The following RAPH1 variants were observed in gnomAD, a reference collection of about 807,000 sequenced individuals.
RAPH1 encodes the protein ras-associated and pleckstrin homology domains-containing protein 1.
Under a neutral mutation model 88.1 loss-of-function variants are expected in RAPH1, and 18 were observed. The observed-to-expected ratio is 0.20, with a 90% CI of 0.14 to 0.30. The LOEUF (loss-of-function observed/expected upper bound fraction) is 0.30, where lower values mean the gene tolerates loss of function less well. RAPH1 is among the 10% of genes least tolerant of loss of function. The pLI is 1.00. For missense variants in RAPH1, 1,448 were observed against 1,543.2 expected (o/e 0.94, Z 1.03); for synonymous variants, 587 against 559.0 (o/e 1.05, Z -0.71).
At chr2:203,527,574 G>A (rs540577883) in intron 1 of RAPH1, among the ~76,000 whole-genome samples, 5 of 152,030 alleles carry the variant, frequency 3.3e-5, no homozygotes, top group African/African-American at 1.2e-4. Context: ...TGAGGTGGGC[G>A]GATCACCTGA....
intron 4 of RAPH1, among the ~76,000 whole-genome samples, chr2:203,471,710 T>C (rs2098533245): frequency 6.6e-6 from 1 of 152,200 alleles, no homozygotes; most frequent in Non-Finnish European, 1.5e-5. Flanking sequence ...CTCACATCTA[T>C]ACTATGTTAA....
chr2:203,472,092 T>C (rs2098533643), intron 4 of RAPH1, among the ~76,000 whole-genome samples: 1 of 151,798 alleles, frequency 6.6e-6, no homozygotes, highest in African/African-American at 2.4e-5. Flanking sequence ...AAAAGCACAA[T>C]TTGTAAGAGT....
At chr2:203,533,698 A>C (rs1690488531) in intron 1 of RAPH1, among the ~76,000 whole-genome samples, 1 of 151,948 alleles carries the variant, frequency 6.6e-6, no homozygotes, top group Admixed American at 6.6e-5. Context: ...TATATAGTTC[A>C]CTGTATTACA....
intron 1 of RAPH1, among the ~76,000 whole-genome samples, chr2:203,508,958 C>T (rs1006027963): frequency 6.6e-6 from 1 of 151,702 alleles, no homozygotes; most frequent in Non-Finnish European, 1.5e-5. Flanking sequence ...ATTTGCCTTG[C>T]TTACTCAGTT....
At chr2:203,455,617 G>A in intron 8 of RAPH1, 37 bp from the exon 9 acceptor site, 12 of 1,593,406 alleles carry the variant, frequency 7.5e-6, no homozygotes, top group East Asian at 4.5e-5. Flanking sequence ...ACTTATGATC[G>A]TTGGATTCTC....
chr2:203,518,740 T>C (rs1689732202), intron 1 of RAPH1, among the ~76,000 whole-genome samples: 1 of 151,802 alleles, frequency 6.6e-6, no homozygotes, highest in South Asian at 2.1e-4. Context: ...CCTAGTTACT[T>C]GGGAAGCTAA....
At chr2:203,513,609 G>A (rs532259328) in intron 1 of RAPH1, among the ~76,000 whole-genome samples, 69 of 150,484 alleles carry the variant, frequency 4.6e-4, no homozygotes, top group African/African-American at 1.6e-3. Flanking sequence ...ACTGAGGTGG[G>A]CAGATCACTT....
chr2:203,488,804 C>T (rs138804189), intron 4 of RAPH1, among the ~76,000 whole-genome samples: 1,839 of 151,992 alleles, frequency 0.012, 19 homozygotes, highest in Non-Finnish European at 0.018. Context: ...GTGGCCCTTT[C>T]CAATATACCA....
intron 1 of RAPH1, among the ~76,000 whole-genome samples, chr2:203,510,919 G>A (rs886346938): frequency 3.9e-5 from 6 of 151,972 alleles, no homozygotes; most frequent in African/African-American, 1.5e-4. Context: ...TAAAAAAAGA[G>A]TAAATATTAT....
At chr2:203,446,109 AT>A (rs1249008879) in intron 12 of RAPH1, 4 of 152,108 alleles carry the variant, frequency 2.6e-5, no homozygotes, top group Non-Finnish European at 4.4e-5. Context: ...TTTTTCCCTC[AT>A]GTGCCTTTTC....
chr2:203,523,421 G>C (rs1234188176), intron 1 of RAPH1, among the ~76,000 whole-genome samples: 1 of 149,270 alleles, frequency 6.7e-6, no homozygotes, highest in Non-Finnish European at 1.5e-5. Context: ...CGTCAGAACT[G>C]AGGTAGGCAA....
Position 203,518,416 on chromosome 2 carries a change from C to A in RAPH1, c.-1+16695G>T, listed in dbSNP as rs546305343. On this transcript the variant is annotated intron_variant, in intron 1 of 13. Coordinates refer to ENST00000319170, the MANE Select transcript of RAPH1 (RefSeq NM_213589.3). ...ACCTGGAATTCCAGCTACTTGGGAG[C>A]CTGAGGCATGAGAATTGCTTGAATG... Among the ~76,000 whole-genome samples the A allele has an allele frequency of 1.7e-4, 26 of 151,616 alleles. 1 individual carries two copies. The South Asian group carries it at 4.2e-3, about 24-fold the overall frequency.
chr2:203,493,718 A>C (rs1688376243), intron 2 of RAPH1, among the ~76,000 whole-genome samples: 1 of 152,084 alleles, frequency 6.6e-6, no homozygotes, highest in Non-Finnish European at 1.5e-5. Context: ...CCCACCTGTA[A>C]TCCCAGCAGT....
rs754617673 is a variant in RAPH1 at position 203,438,147 on chromosome 2, G to C, written c.*1290C>G. ...ACTCCATCAGAACACCTAGTAACCT[G>C]AACTAATCACAACCAGGCTGCAGTC... On this transcript the variant is annotated 3_prime_UTR_variant, in exon 14 of 14. Coordinates refer to ENST00000319170, the MANE Select transcript of RAPH1 (RefSeq NM_213589.3). The C allele has an allele frequency of 1.9e-6, 1 of 518,616 alleles. No individual in the cohort carries two copies. Among genetic ancestry groups the C allele is most frequent in the East Asian group, 5.4e-5 (1 of 18,356 alleles). The allele number at this position is 518,616 out of a possible 1,614,324, so 32.1% of individuals were successfully genotyped here. A position where few individuals can be genotyped will look rare whatever the true frequency, so the allele number is the denominator to read the frequency against.
At chr2:203,467,735 A>C (rs114171143) in intron 4 of RAPH1, among the ~76,000 whole-genome samples, 2,109 of 152,238 alleles carry the variant, frequency 0.014, 27 homozygotes, top group Middle Eastern at 0.024. Flanking sequence ...TTCCCTATGT[A>C]TACCAAGGAA....
intron 4 of RAPH1, chr2:203,477,225 C>A: frequency 1.8e-6 from 2 of 1,134,442 alleles, no homozygotes; most frequent in Admixed American, 1.8e-5. Flanking sequence ...CATTACCATG[C>A]AGGAAGAGAA....
chr2:203,514,162 G>A (rs952395283), intron 1 of RAPH1, among the ~76,000 whole-genome samples: 4 of 152,018 alleles, frequency 2.6e-5, no homozygotes, highest in Admixed American at 6.6e-5. Context: ...TCTTAATTCC[G>A]GAGTAAGGTA....
intron 1 of RAPH1, among the ~76,000 whole-genome samples, chr2:203,503,414 A>C (rs1247094833): frequency 1.3e-5 from 2 of 152,160 alleles, no homozygotes; most frequent in Non-Finnish European, 2.9e-5. Context: ...AAATGTGAAG[A>C]AGCAAAAGTG....
chr2:203,484,891 A>G (rs986623540), intron 4 of RAPH1, among the ~76,000 whole-genome samples: 1 of 152,210 alleles, frequency 6.6e-6, no homozygotes, highest in African/African-American at 2.4e-5. Context: ...AAATAAAAAG[A>G]GACATGCCAT....
Sources: allele counts gnomAD v4.1 joint callset (sites outside exome capture counted in the v4.1 genomes callset), GRCh38; gene constraint gnomAD v4.1.1; transcripts MANE v1.5; gene names NCBI Gene and HGNC (gene_info 2026-07-23, HGNC 2026-07-21).